CEP85L: variants seen among roughly 807,000 people sequenced by gnomAD.
The protein encoded by CEP85L is centrosomal protein 85L, also known as centrosomal protein of 85 kDa-like.
CEP85L carries 60 observed loss-of-function variants against 100.3 expected under a neutral mutation model. The observed-to-expected ratio is 0.60, with a 90% CI of 0.49 to 0.74. The LOEUF (loss-of-function observed/expected upper bound fraction) is 0.74, where lower values mean the gene tolerates loss of function less well. CEP85L is among the 30% of genes least tolerant of loss of function. The probability of loss-of-function intolerance (pLI) is 0.00; values close to 1 mark genes in which losing one functional copy is unlikely to be tolerated. For missense variants in CEP85L, 973 were observed against 936.2 expected (o/e 1.04, Z -0.51); for synonymous variants, 319 against 322.7 (o/e 0.99, Z 0.12).
intron 3 of CEP85L, among the ~76,000 whole-genome samples, chr6:118,552,381 G>C (rs1161686120): frequency 6.6e-6 from 1 of 152,034 alleles, no homozygotes; most frequent in African/African-American, 2.4e-5. Flanking sequence ...CATCATTAAA[G>C]TATCAATTGT....
At position 118,463,249 on chromosome 6, in the gene CEP85L, T is replaced by TA. The variant is rs1025280189; in HGVS notation, c.*2155dup. The stretch of plus-strand genomic sequence containing the variant: ...ATTAAAACAAACTGTAACGTCTGCT[T>TA]AAAAAAAAAAAAATAAATAAACCCA... On this transcript the variant is annotated 3_prime_UTR_variant, in exon 13 of 13. Coordinates refer to ENST00000368491, the MANE Select transcript of CEP85L (RefSeq NM_001042475.3). 1 of 151,118 alleles carries TA rather than the reference T, an allele frequency of 6.6e-6. No individual in the cohort carries two copies. Among genetic ancestry groups the TA allele is most frequent in the African/African-American group, 2.4e-5 (1 of 41,100 alleles). 9.4% of individuals were successfully genotyped at this position (151,118 alleles called of 1,614,324 possible).
chr6:118,592,329 CTTTTT>C (rs34976343), intron 2 of CEP85L, among the ~76,000 whole-genome samples: 2 of 121,666 alleles, frequency 1.6e-5, no homozygotes, highest in African/African-American at 3.0e-5. Context: ...TCCTCTAGGT[CTTTTT>C]TTTTTTTTTT....
intron 1 of CEP85L, among the ~76,000 whole-genome samples, chr6:118,647,686 T>A (rs1171501619): frequency 1.3e-5 from 2 of 152,156 alleles, no homozygotes; most frequent in Non-Finnish European, 2.9e-5. Context: ...AAAAAAATTA[T>A]TTACGAAAAG....
At chr6:118,619,437 T>A (rs1298638571) in intron 2 of CEP85L, among the ~76,000 whole-genome samples, 1 of 152,132 alleles carries the variant, frequency 6.6e-6, no homozygotes, top group East Asian at 1.9e-4. Flanking sequence ...ACAATACTGC[T>A]CTATGCCAAG....
chr6:118,494,828 G>A (rs1387352011), intron 5 of CEP85L, among the ~76,000 whole-genome samples: 1 of 152,130 alleles, frequency 6.6e-6, no homozygotes, highest in African/African-American at 2.4e-5. Context: ...AGACCACAAA[G>A]CATCAGACAC....
chr6:118,513,523 T>C (rs1415725569), intron 4 of CEP85L, among the ~76,000 whole-genome samples: 1 of 152,068 alleles, frequency 6.6e-6, no homozygotes, highest in Non-Finnish European at 1.5e-5. Flanking sequence ...ACTGAAATAA[T>C]GCAATCAATA....
At chr6:118,655,661 T>C (rs996832167), upstream of CEP85L, among the ~76,000 whole-genome samples, 26 of 152,202 alleles carry the variant, frequency 1.7e-4, no homozygotes, top group Non-Finnish European at 3.8e-4. Context: ...TGACCTGCCC[T>C]GGTGGGGAAG....
At chr6:118,581,420 G>A (rs1780570750) in intron 2 of CEP85L, among the ~76,000 whole-genome samples, 1 of 151,964 alleles carries the variant, frequency 6.6e-6, no homozygotes, top group African/African-American at 2.4e-5. Flanking sequence ...TTTTCCCTGA[G>A]ATCCATTTTT....
intron 1 of CEP85L, among the ~76,000 whole-genome samples, chr6:118,642,076 G>A (rs1465353341): frequency 6.6e-6 from 1 of 152,136 alleles, no homozygotes; most frequent in Non-Finnish European, 1.5e-5. Context: ...ATGACACCCT[G>A]AATTACATGA....
intron 5 of CEP85L, among the ~76,000 whole-genome samples, chr6:118,496,648 CG>C (rs745743848): frequency 6.6e-6 from 1 of 152,052 alleles, no homozygotes; most frequent in Non-Finnish European, 1.5e-5. Flanking sequence ...CCACTGTGCC[CG>C]GCCAGAAGTG....
chr6:118,673,104 G>A (rs1401245365), intron 1 of CEP85L, among the ~76,000 whole-genome samples: 2 of 152,172 alleles, frequency 1.3e-5, no homozygotes, highest in Non-Finnish European at 2.9e-5. Flanking sequence ...GAGATTAGTT[G>A]CCAAGGTTGG....
chr6:118,702,262 G>A (rs573184650), intron 1 of CEP85L, among the ~76,000 whole-genome samples: 2 of 152,042 alleles, frequency 1.3e-5, no homozygotes, highest in Non-Finnish European at 2.9e-5. Flanking sequence ...TATAATCCCA[G>A]CACTTTGGGA....
intron 3 of CEP85L, among the ~76,000 whole-genome samples, chr6:118,535,119 G>A (rs9401076): frequency 0.011 from 1,666 of 152,156 alleles, 32 homozygotes; most frequent in African/African-American, 0.034. Flanking sequence ...ATAATCATCC[G>A]AAACTAAAAA....
intron 8 of CEP85L, among the ~76,000 whole-genome samples, chr6:118,481,275 T>C (rs2114526435): frequency 6.6e-6 from 1 of 152,116 alleles, no homozygotes; most frequent in Non-Finnish European, 1.5e-5. Flanking sequence ...GTAAAGGGTT[T>C]GTATTAATAT....
At chr6:118,636,661 A>T (rs1413698113) in intron 1 of CEP85L, among the ~76,000 whole-genome samples, 1 of 152,216 alleles carries the variant, frequency 6.6e-6, no homozygotes, top group Non-Finnish European at 1.5e-5. Context: ...AGGCCTGAAC[A>T]CAACAAAAAA....
rs563832205 is a variant in CEP85L at position 118,489,763 on chromosome 6, T to C, written c.1437+1923A>G. 2.6e-5 allele frequency among the ~76,000 whole-genome samples: 4 copies of C among 152,202 alleles called. No homozygotes were observed. In the East Asian group the frequency reaches 5.8e-4, roughly 22 times the overall value. ...TCCTCAAATAACTAAAAATAAAACA[T>C]GATCAAGCAATCCTACTTCTGGATA... On this transcript the variant is annotated intron_variant, in intron 6 of 12. Transcript: ENST00000368491.
chr6:118,618,056 TAA>T (rs1773184888), intron 2 of CEP85L, among the ~76,000 whole-genome samples: 1 of 152,130 alleles, frequency 6.6e-6, no homozygotes, highest in Admixed American at 6.5e-5. Flanking sequence ...GAACCAGTTT[TAA>T]GTCTTTCACT....
chr6:118,663,048 G>GT (rs897340846), intron 1 of CEP85L, among the ~76,000 whole-genome samples: 10 of 150,618 alleles, frequency 6.6e-5, no homozygotes, highest in African/African-American at 2.4e-4. Context: ...AATTTTCATG[G>GT]TAAAAAAAAA....
intron 5 of CEP85L, among the ~76,000 whole-genome samples, chr6:118,509,406 A>C (rs1012879989): frequency 6.6e-6 from 1 of 152,126 alleles, no homozygotes; most frequent in Non-Finnish European, 1.5e-5. Context: ...AAATAACTGT[A>C]CATTATTCTC....
Sources: gnomAD v4.1 joint callset for allele counts (sites outside exome capture counted in the v4.1 genomes callset) on GRCh38, gnomAD v4.1.1 for gene constraint, MANE v1.5 for transcripts, NCBI Gene and HGNC (gene_info 2026-07-23, HGNC 2026-07-21) for gene names.